Variants in MCPH1 observed in about 807,000 individuals in gnomAD.
MCPH1 encodes the protein microcephalin 1, also known as microcephalin.
In MCPH1, 104 loss-of-function variants were observed where a neutral mutation model predicts 84.5. That is an observed-to-expected ratio of 1.23 (90% CI 1.05 to 1.45). The LOEUF (loss-of-function observed/expected upper bound fraction) is 1.45. Among genes scored for constraint, MCPH1 ranks in the 40% most tolerant of loss-of-function variants. MCPH1 has a pLI of 0.00. For missense variants in MCPH1, 1,498 were observed against 1,005.7 expected, an observed-to-expected ratio of 1.49 and a Z score of -6.62; for synonymous variants, 514 against 366.8, an observed-to-expected ratio of 1.40 and a Z score of -4.58.
intron 9 of MCPH1, among the ~76,000 whole-genome samples, chr8:6,470,966 G>A (rs56792149): frequency 0.032 from 4,847 of 152,290 alleles, 237 homozygotes; most frequent in African/African-American, 0.11. Context: ...TCCAAAGGGA[G>A]TCATCTTATT....
At chr8:6,626,253 A>ATGAG in intron 13 of MCPH1, 1 of 985,430 alleles carries the variant, frequency 1.0e-6, no homozygotes, top group Non-Finnish European at 1.2e-6. Context: ...AACAGGGCTC[A>ATGAG]GTATACAAAA....
intron 12 of MCPH1, among the ~76,000 whole-genome samples, chr8:6,564,643 T>G (rs1825994865): frequency 1.3e-5 from 2 of 152,232 alleles, no homozygotes; most frequent in African/African-American, 4.8e-5. Flanking sequence ...GCTGGTACAC[T>G]GACTTAACAG....
intron 11 of MCPH1, among the ~76,000 whole-genome samples, chr8:6,489,008 C>T (rs999434404): frequency 2.0e-5 from 3 of 151,896 alleles, no homozygotes. Context: ...CAAATTTTTT[C>T]CTGGGGCGAC....
At chr8:6,511,762 G>C (rs190701102) in intron 12 of MCPH1, among the ~76,000 whole-genome samples, 221 of 152,242 alleles carry the variant, frequency 1.5e-3, no homozygotes, top group Non-Finnish European at 2.4e-3. Context: ...TCCAAAAATT[G>C]ATTGCATTTC....
At chr8:6,450,762 A>C (rs1372956030) in intron 8 of MCPH1, among the ~76,000 whole-genome samples, 1 of 151,904 alleles carries the variant, frequency 6.6e-6, no homozygotes, top group African/African-American at 2.4e-5. Flanking sequence ...TGTTGTTTTG[A>C]GATAGGGTCT....
chr8:6,425,852 A>T (rs766746338), intron 3 of MCPH1, among the ~76,000 whole-genome samples: 8 of 152,116 alleles, frequency 5.3e-5, no homozygotes, highest in Non-Finnish European at 1.0e-4. Flanking sequence ...TGTCCTGATG[A>T]TGGTGGTGAT....
At chr8:6,506,789 T>C (rs1187220271) in intron 12 of MCPH1, among the ~76,000 whole-genome samples, 45 of 152,226 alleles carry the variant, frequency 3.0e-4, no homozygotes, top group Non-Finnish European at 8.8e-5. Flanking sequence ...TTTTTTTTTT[T>C]TTTTAATGAG....
intron 13 of MCPH1, among the ~76,000 whole-genome samples, chr8:6,621,921 C>T (rs986246780): frequency 2.0e-5 from 3 of 152,214 alleles, no homozygotes; most frequent in African/African-American, 7.2e-5. Context: ...AACTGGACTT[C>T]CCCACTTGAC....
Position 6,499,881 on chromosome 8 carries a change from G to A in MCPH1, c.2166G>A (p.Trp722Ter), listed in dbSNP as rs200997321. The change falls in exon 12 of 14, where the codon TGG becomes TGA. Residue 722 changes from tryptophan to a stop codon, truncating the protein, a stop_gained. Coordinates refer to ENST00000344683, the MANE Select transcript of MCPH1 (RefSeq NM_024596.5). LOFTEE classifies it high-confidence loss of function. ...WVLWSLELGH[W>*]ISEEPFELSH... is the part of the protein sequence containing the mutation. ...TATGGTCTTTAGAATTGGGTCACTGGATTTCTGAGGAGCCGTTCGAACTGT... is the reference window on the plus strand; with the variant it reads ...TATGGTCTTTAGAATTGGGTCACTGAATTTCTGAGGAGCCGTTCGAACTGT... The A allele has an allele frequency of 6.2e-6, 10 of 1,613,476 alleles. No individual in the cohort carries two copies. The highest frequency in any genetic ancestry group is 1.7e-5 in the Admixed American group (1 of 60,006).
At chr8:6,486,159 G>A (rs1809878720) in intron 11 of MCPH1, among the ~76,000 whole-genome samples, 1 of 152,050 alleles carries the variant, frequency 6.6e-6, no homozygotes, top group African/African-American at 2.4e-5. Context: ...TCTATGTCTT[G>A]CATATAACTT....
intron 9 of MCPH1, among the ~76,000 whole-genome samples, chr8:6,475,439 C>A (rs1223789606): frequency 6.6e-6 from 1 of 152,238 alleles, no homozygotes; most frequent in Admixed American, 6.5e-5. Flanking sequence ...GCCTGACCAT[C>A]GCTCTGGTGC....
At chr8:6,468,734 A>G (rs747808786) in intron 9 of MCPH1, among the ~76,000 whole-genome samples, 10 of 151,612 alleles carry the variant, frequency 6.6e-5, no homozygotes, top group Non-Finnish European at 1.3e-4. Context: ...TGTATGGATC[A>G]CTATTATTGT....
At chr8:6,574,534 T>G (rs1278578435) in intron 12 of MCPH1, among the ~76,000 whole-genome samples, 6 of 152,172 alleles carry the variant, frequency 3.9e-5, no homozygotes, top group African/African-American at 1.4e-4. Flanking sequence ...CCATAACACT[T>G]ACGATGTTTA....
At chr8:6,489,900 T>C (rs1006869496) in intron 11 of MCPH1, among the ~76,000 whole-genome samples, 1 of 152,236 alleles carries the variant, frequency 6.6e-6, no homozygotes, top group Non-Finnish European at 1.5e-5. Flanking sequence ...GTTGCTGTAT[T>C]TGGCAAATAC....
chr8:6,610,748 C>T (rs1232237217), intron 12 of MCPH1, among the ~76,000 whole-genome samples: 1 of 151,980 alleles, frequency 6.6e-6, no homozygotes, highest in African/African-American at 2.4e-5. Context: ...TCTCCCAGGC[C>T]AGAAGTTGAC....
At chr8:6,519,919 T>C in intron 12 of MCPH1, 1 of 1,613,782 alleles carries the variant, frequency 6.2e-7, no homozygotes, top group Non-Finnish European at 8.5e-7. Context: ...ATTCGTGGTG[T>C]GTCCTGATTT....
intron 12 of MCPH1, among the ~76,000 whole-genome samples, chr8:6,562,119 G>A (rs1281807901): frequency 2.0e-5 from 3 of 152,116 alleles, no homozygotes; most frequent in Non-Finnish European, 4.4e-5. Flanking sequence ...ATTTCCTCTC[G>A]TTTACCAAGA....
At chr8:6,411,990 A>G (rs2129551172) in intron 2 of MCPH1, among the ~76,000 whole-genome samples, 1 of 152,270 alleles carries the variant, frequency 6.6e-6, no homozygotes, top group African/African-American at 2.4e-5. Flanking sequence ...TAAAAATGGG[A>G]GAAAAGATAA....
At chr8:6,490,913 A>G (rs1810488923) in intron 11 of MCPH1, among the ~76,000 whole-genome samples, 1 of 149,384 alleles carries the variant, frequency 6.7e-6, no homozygotes, top group African/African-American at 2.4e-5. Context: ...GCCTAAGTTA[A>G]TAATTTAACA....
Sources: allele counts gnomAD v4.1 joint callset (sites outside exome capture counted in the v4.1 genomes callset), GRCh38; gene constraint gnomAD v4.1.1; transcripts MANE v1.5; gene names NCBI Gene and HGNC (gene_info 2026-07-23, HGNC 2026-07-21).